ARPP21: variants seen among roughly 807,000 people sequenced by gnomAD.
ARPP21 encodes the protein cAMP-regulated phosphoprotein 21.
In ARPP21, 69 loss-of-function variants were observed where a neutral mutation model predicts 113.2. The ratio of observed to expected loss-of-function variants is 0.61; its 90% confidence interval spans 0.50 to 0.74. The LOEUF is 0.74. Among genes scored for constraint, ARPP21 ranks in the 30% least tolerant of loss-of-function variants. ARPP21 has a pLI of 0.00. For missense variants in ARPP21, 1,070 were observed against 1,037.4 expected (o/e 1.03, Z -0.43); for synonymous variants, 368 against 375.5 (o/e 0.98, Z 0.23).
At chr3:35,677,446 A>C (rs4678794) in intron 1 of ARPP21, among the ~76,000 whole-genome samples, 1 of 151,902 alleles carries the variant, frequency 6.6e-6, no homozygotes, top group Non-Finnish European at 1.5e-5. Flanking sequence ...AAACTAAAGA[A>C]ATAAGAAACA....
At chr3:35,764,606 A>C (rs2095891395) in intron 19 of ARPP21, among the ~76,000 whole-genome samples, 1 of 152,162 alleles carries the variant, frequency 6.6e-6, no homozygotes, top group African/African-American at 2.4e-5. Context: ...ACACACCTGC[A>C]TCCCATACTT....
chr3:35,665,824 G>A (rs2074226377), intron 1 of ARPP21, among the ~76,000 whole-genome samples: 1 of 152,164 alleles, frequency 6.6e-6, no homozygotes, highest in Non-Finnish European at 1.5e-5. Flanking sequence ...TCGTTGTAAT[G>A]CTTGTTCTCA....
At chr3:35,729,571 C>T (rs1157214427) in intron 15 of ARPP21, 35 bp downstream of exon 15, 3 of 1,526,222 alleles carry the variant, frequency 2.0e-6, no homozygotes, top group Non-Finnish European at 2.7e-6. Context: ...GGACACAAGG[C>T]TTTCAGATGT....
At chr3:35,668,018 AAG>A (rs1491129381) in intron 1 of ARPP21, among the ~76,000 whole-genome samples, 3 of 136,796 alleles carry the variant, frequency 2.2e-5, no homozygotes, top group East Asian at 2.2e-4. Context: ...GAAGAAGAAG[AAG>A]AAGAAGAAGA....
rs748776109 is a variant in ARPP21, at chr3:35,717,357, G to A, written c.995G>A (p.Arg332Gln). The A allele has an allele frequency of 1.5e-5, 24 of 1,587,080 alleles. No homozygotes were observed. The highest frequency in any genetic ancestry group is 1.2e-4 in the Admixed American group (7 of 59,896). ...ACCTATAAGAAAAGACAGCTCTTTC[G>A]GTTGGTATGGTTTACTTTCTTAAAC... ...NETYKKRQLF[R>Q]GNRDGSGRTS... The change falls in exon 13 of 21, where the codon CGG (arginine) becomes CAG (glutamine). Residue 332 changes from arginine (R) to glutamine (Q), a missense_variant and splice_region_variant. Transcript: ENST00000684406.
intron 19 of ARPP21, among the ~76,000 whole-genome samples, chr3:35,756,984 A>T (rs922107516): frequency 6.6e-5 from 10 of 151,598 alleles, no homozygotes; most frequent in Non-Finnish European, 1.3e-4. Flanking sequence ...CACTTTCATT[A>T]CTCATTTATG....
At chr3:35,650,655 A>G (rs1467054994) in intron 1 of ARPP21, among the ~76,000 whole-genome samples, 1 of 152,106 alleles carries the variant, frequency 6.6e-6, no homozygotes. Flanking sequence ...GGTGGAGAGG[A>G]AAGTTCTGTT....
At chr3:35,711,972 C>A (rs2091255602) in intron 11 of ARPP21, among the ~76,000 whole-genome samples, 1 of 152,130 alleles carries the variant, frequency 6.6e-6, no homozygotes, top group African/African-American at 2.4e-5. Context: ...TGGAAAGTAC[C>A]ACACAAGGTT....
intron 9 of ARPP21, among the ~76,000 whole-genome samples, chr3:35,698,963 T>C (rs1250795728): frequency 6.6e-6 from 1 of 151,702 alleles, no homozygotes; most frequent in Non-Finnish European, 1.5e-5. Context: ...TTAAATTATG[T>C]CAGATGAAAA....
chr3:35,662,505 G>A (rs774953914), intron 1 of ARPP21, among the ~76,000 whole-genome samples: 21 of 152,168 alleles, frequency 1.4e-4, no homozygotes, highest in African/African-American at 4.6e-4. Flanking sequence ...CAGAGGGACA[G>A]GGAGGGGAGC....
intron 19 of ARPP21, among the ~76,000 whole-genome samples, chr3:35,758,565 G>A (rs1331583996): frequency 6.6e-6 from 1 of 151,562 alleles, no homozygotes; most frequent in Non-Finnish European, 1.5e-5. Context: ...GGTTTCCTTA[G>A]CAACAGGAAT....
At chr3:35,671,871 T>C (rs868238718) in intron 1 of ARPP21, among the ~76,000 whole-genome samples, 3 of 152,034 alleles carry the variant, frequency 2.0e-5, no homozygotes, top group African/African-American at 7.2e-5. Flanking sequence ...AATCATGCAA[T>C]TAATGATGCC....
At chr3:35,664,703 G>C (rs1709409281) in intron 1 of ARPP21, among the ~76,000 whole-genome samples, 1 of 152,150 alleles carries the variant, frequency 6.6e-6, no homozygotes, top group African/African-American at 2.4e-5. Flanking sequence ...TGGCGGTTGC[G>C]TTTCCTCTTT....
At chr3:35,658,844 A>G (rs144793335) in intron 1 of ARPP21, among the ~76,000 whole-genome samples, 63 of 152,148 alleles carry the variant, frequency 4.1e-4, no homozygotes, top group African/African-American at 1.5e-3. Flanking sequence ...TCACAGTGTG[A>G]GTAGTGAGAG....
At chr3:35,734,954 TC>T (rs2094247484) in intron 15 of ARPP21, among the ~76,000 whole-genome samples, 1 of 152,226 alleles carries the variant, frequency 6.6e-6, no homozygotes. Context: ...CCTCAGGCTC[TC>T]CCAGAAGTAC....
At chr3:35,677,822 G>A (rs962472918) in intron 1 of ARPP21, among the ~76,000 whole-genome samples, 2 of 151,938 alleles carry the variant, frequency 1.3e-5, no homozygotes, top group Non-Finnish European at 2.9e-5. Flanking sequence ...GGAAGAGTCC[G>A]GTTAGTCTGG....
chr3:35,748,522 G>A (rs1025403668), intron 19 of ARPP21, among the ~76,000 whole-genome samples: 20 of 151,648 alleles, frequency 1.3e-4, no homozygotes, highest in Admixed American at 1.3e-3. Flanking sequence ...GAAAGAAAGA[G>A]GAAAGAAAAG....
intron 9 of ARPP21, among the ~76,000 whole-genome samples, chr3:35,692,513 A>T (rs2149674922): frequency 6.6e-6 from 1 of 151,772 alleles, no homozygotes; most frequent in East Asian, 2.0e-4. Flanking sequence ...CTATAAGGTC[A>T]TAGCAAACAT....
chr3:35,685,893 T>A, intron 5 of ARPP21: 1 of 630,660 alleles, frequency 1.6e-6, no homozygotes, highest in Non-Finnish European at 2.0e-6. Flanking sequence ...ACCAACTCTA[T>A]AGCACTTTTG....
Sources: gnomAD v4.1 joint callset for allele counts (sites outside exome capture counted in the v4.1 genomes callset) on GRCh38, gnomAD v4.1.1 for gene constraint, MANE v1.5 for transcripts, NCBI Gene and HGNC (gene_info 2026-07-23, HGNC 2026-07-21) for gene names.